NINL: variants seen among roughly 807,000 people sequenced by gnomAD.
The protein encoded by NINL is ninein-like protein.
Under a neutral mutation model 160.3 loss-of-function variants are expected in NINL, and 153 were observed. That is an observed-to-expected ratio of 0.95 (90% CI 0.84 to 1.09). The LOEUF is 1.09. Among genes scored for constraint, NINL ranks in the 50% least tolerant of loss-of-function variants. NINL has a pLI of 0.00. For missense variants in NINL, 1,829 were observed against 1,764.0 expected (o/e 1.04, Z -0.66); for synonymous variants, 800 against 734.8 (o/e 1.09, Z -1.43).
At chr20:25,551,829 G>T (rs1219452613) in intron 1 of NINL, among the ~76,000 whole-genome samples, 1 of 152,210 alleles carries the variant, frequency 6.6e-6, no homozygotes, top group Non-Finnish European at 1.5e-5. Flanking sequence ...AACATTGTCA[G>T]TGTGAGATTT....
chr20:25,528,699 C>T (rs1204304619), intron 1 of NINL, among the ~76,000 whole-genome samples: 1 of 151,980 alleles, frequency 6.6e-6, no homozygotes, highest in Non-Finnish European at 1.5e-5. Context: ...TTCAGATAAA[C>T]CACATAAAAC....
At chr20:25,505,149 A>G (rs1202176491) in intron 5 of NINL, 71 bp from the exon 6 acceptor site, 5 of 1,388,480 alleles carry the variant, frequency 3.6e-6, no homozygotes, top group African/African-American at 2.9e-5. Context: ...CCTTAGAAAG[A>G]AGGACGTTCT....
At chr20:25,516,758 T>C (rs1207284819) in intron 3 of NINL, among the ~76,000 whole-genome samples, 1 of 152,100 alleles carries the variant, frequency 6.6e-6, no homozygotes, top group Admixed American at 6.5e-5. Context: ...CCAAGGCTTC[T>C]CCTCCCATCC....
Position 25,491,206 on chromosome 20 carries a change from G to A in NINL, c.1485+145C>T, listed in dbSNP as rs1272289138. 16 of 973,854 alleles carry A rather than the reference G, an allele frequency of 1.6e-5. No homozygotes were observed. The East Asian group carries it at 4.0e-4, about 24-fold the overall frequency. The allele number at this position is 973,854 out of a possible 1,614,324, so 60.3% of individuals were successfully genotyped here. On this transcript the variant is annotated intron_variant, in intron 11 of 23. Coordinates refer to ENST00000278886, the MANE Select transcript of NINL (RefSeq NM_025176.6). Reference sequence around the variant, plus strand: ...GCAAGTGGGACACCTCCTCACTGCAGCAGGTGCTCCCTCGGGCCCTGCCCT... The same window carrying A: ...GCAAGTGGGACACCTCCTCACTGCAACAGGTGCTCCCTCGGGCCCTGCCCT...
At chr20:25,533,887 G>C (rs994460931) in intron 1 of NINL, among the ~76,000 whole-genome samples, 1 of 152,174 alleles carries the variant, frequency 6.6e-6, no homozygotes, top group African/African-American at 2.4e-5. Context: ...TATAAACAGA[G>C]AGAAAGCTTC....
intron 1 of NINL, among the ~76,000 whole-genome samples, chr20:25,561,189 G>A (rs566967666): frequency 1.1e-4 from 16 of 152,294 alleles, no homozygotes; most frequent in East Asian, 3.9e-4. Context: ...GGCGCGCGCC[G>A]CCACGCCTGA....
intron 17 of NINL, among the ~76,000 whole-genome samples, chr20:25,475,656 T>A (rs1191866934): frequency 6.6e-6 from 1 of 152,146 alleles, no homozygotes; most frequent in Non-Finnish European, 1.5e-5. Context: ...CAGATCACCT[T>A]TGAGGACAGC....
rs980786056 is a variant in NINL at position 25,462,504 on chromosome 20, A to C, written c.3461T>G (p.Val1154Gly). Reference sequence around the variant, plus strand: ...CTCCTGTCCCAGTTGAAGAACCCTGACATTGAGCTGGGATAATTGATCCTT... The same window carrying C: ...CTCCTGTCCCAGTTGAAGAACCCTGCCATTGAGCTGGGATAATTGATCCTT... ...NYKDQLSQLN[V>G]RVLQLGQEAS... is the part of the protein sequence containing the mutation. Residue 1154 changes from valine to glycine, a missense_variant, in exon 20 of 24, where the codon GTC becomes GGC. Coordinates refer to ENST00000278886, the MANE Select transcript of NINL (RefSeq NM_025176.6). The C allele has an allele frequency of 9.3e-6, 15 of 1,614,082 alleles. No homozygotes were observed. The highest frequency in any genetic ancestry group is 1.3e-5 in the African/African-American group (1 of 74,948).
intron 1 of NINL, among the ~76,000 whole-genome samples, chr20:25,548,244 G>A (rs778293557): frequency 1.3e-4 from 20 of 152,156 alleles, no homozygotes; most frequent in Non-Finnish European, 2.6e-4. Flanking sequence ...GGCCTGAGCT[G>A]AGCTATCAAA....
chr20:25,475,610 G>A (rs1038973360), intron 17 of NINL, among the ~76,000 whole-genome samples: 7 of 151,974 alleles, frequency 4.6e-5, no homozygotes, highest in African/African-American at 1.2e-4. Context: ...AGTGGCTCAC[G>A]CCTGTAATCC....
chr20:25,468,821 A>G (rs1286791624), intron 18 of NINL, among the ~76,000 whole-genome samples: 78 of 21,838 alleles, frequency 3.6e-3, no homozygotes, highest in African/African-American at 0.012. Context: ...GCACCCCCCT[A>G]CCCTGTCCCA....
chr20:25,498,111 G>A, intron 9 of NINL, 99 bp downstream of exon 9: 1 of 1,412,312 alleles, frequency 7.1e-7, no homozygotes, highest in Non-Finnish European at 9.8e-7. Context: ...CATGTGGGGT[G>A]GATAAGAGCT....
rs541835565 is a variant in NINL at position 25,525,512 on chromosome 20, G to T, written c.180+896C>A. On this transcript the variant is annotated intron_variant, in intron 2 of 23. Coordinates refer to ENST00000278886, the MANE Select transcript of NINL (RefSeq NM_025176.6). Reference sequence around the variant, plus strand: ...ACAAAAAAAATACAAAAATTAGGCCGGTGTGGTGGTGCAGGCCTGTAGTCC... The same window carrying T: ...ACAAAAAAAATACAAAAATTAGGCCTGTGTGGTGGTGCAGGCCTGTAGTCC... Among the ~76,000 whole-genome samples, 4 of 152,240 alleles carry T rather than the reference G, an allele frequency of 2.6e-5. No homozygotes were observed. The South Asian group carries it at 6.2e-4, about 24-fold the overall frequency.
intron 1 of NINL, among the ~76,000 whole-genome samples, chr20:25,545,828 C>T (rs574903173): frequency 1.3e-5 from 2 of 152,278 alleles, no homozygotes; most frequent in East Asian, 3.9e-4. Context: ...AGAGAATCTC[C>T]TTCCTTTTCC....
At chr20:25,455,295 C>T (rs570896222) in intron 23 of NINL, among the ~76,000 whole-genome samples, 21 of 152,278 alleles carry the variant, frequency 1.4e-4, no homozygotes, top group African/African-American at 5.1e-4. Context: ...CATCATGGCC[C>T]GAGGTCATGT....
chr20:25,553,095 C>G (rs2064823955), intron 1 of NINL, among the ~76,000 whole-genome samples: 1 of 90,536 alleles, frequency 1.1e-5, no homozygotes, highest in African/African-American at 3.9e-5. Context: ...TACTTCTCAC[C>G]CTTGTTGGGT....
At chr20:25,477,855 C>G (rs2063297011) in intron 16 of NINL, among the ~76,000 whole-genome samples, 2 of 151,948 alleles carry the variant, frequency 1.3e-5, no homozygotes. Flanking sequence ...CTGACCCAAT[C>G]TCTTACCACA....
chr20:25,503,976 C>G lies in NINL; in HGVS notation c.837G>C (p.Pro279=), dbSNP rs750446157. 2 of 1,614,120 alleles carry G rather than the reference C, an allele frequency of 1.2e-6. No homozygotes were observed. Among genetic ancestry groups the G allele is most frequent in the Admixed American group, 3.3e-5 (2 of 60,016 alleles). ...LLLESSTRVK[P]SKAWSHYQVP... ...CCTGGTAATGAGACCAAGCCTTGCT[C>G]GGTTTAACCCGAGTGGAAGACTCTA... The change falls in exon 7 of 24, where the codon CCG becomes CCC. Residue 279 remains proline, a synonymous_variant. Transcript: ENST00000278886.
Position 25,480,966 on chromosome 20 carries a change from A to G in NINL, c.1811-699T>C, listed in dbSNP as rs576273591. On this transcript the variant is annotated intron_variant, in intron 14 of 23. Coordinates refer to ENST00000278886, the MANE Select transcript of NINL (RefSeq NM_025176.6). ...CCCTGCAGCTTCCTGAGAGTCTGCC[A>G]GCTGTTGGGGTGGCGCCTCAGGAGC... Among the ~76,000 whole-genome samples the G allele has an allele frequency of 1.5e-4, 23 of 152,222 alleles. No individual in the cohort carries two copies. In the South Asian group the frequency reaches 3.9e-3, roughly 26 times the overall value.
Sources: allele counts gnomAD v4.1 joint callset (sites outside exome capture counted in the v4.1 genomes callset), GRCh38; gene constraint gnomAD v4.1.1; transcripts MANE v1.5; gene names NCBI Gene and HGNC (gene_info 2026-07-23, HGNC 2026-07-21).